PTPRG: variants seen among roughly 807,000 people sequenced by gnomAD.
The protein encoded by PTPRG is receptor-type tyrosine-protein phosphatase gamma.
Under a neutral mutation model 165.3 loss-of-function variants are expected in PTPRG, and 102 were observed. The ratio of observed to expected loss-of-function variants is 0.62; its 90% CI spans 0.53 to 0.73. PTPRG has a LOEUF of 0.73. Among genes scored for constraint, PTPRG ranks in the 30% least tolerant of loss-of-function variants. The pLI, the probability that PTPRG is intolerant of heterozygous loss-of-function variation, is 0.00. For missense variants in PTPRG, 1,866 were observed against 1,861.4 expected (o/e 1.00, Z -0.05); for synonymous variants, 675 against 669.5 (o/e 1.01, Z -0.13).
intron 19 of PTPRG, 105 bp from the exon 20 acceptor site, chr3:62,268,930 A>C: frequency 7.9e-7 from 1 of 1,270,176 alleles, no homozygotes; most frequent in Non-Finnish European, 1.1e-6. Context: ...CAGTCAACTA[A>C]ATGGCAATCT....
At chr3:62,124,929 C>T (rs1372459589) in intron 5 of PTPRG, among the ~76,000 whole-genome samples, 1 of 152,104 alleles carries the variant, frequency 6.6e-6, no homozygotes, top group Non-Finnish European at 1.5e-5. Context: ...AGCCCACCCT[C>T]AAGGGAAGGT....
At chr3:62,021,770 A>G (rs2041696404) in intron 4 of PTPRG, among the ~76,000 whole-genome samples, 1 of 152,044 alleles carries the variant, frequency 6.6e-6, no homozygotes, top group Non-Finnish European at 1.5e-5. Flanking sequence ...CTCTCACCAG[A>G]ATGCAATATA....
At chr3:62,178,915 T>C (rs2106768472) in intron 8 of PTPRG, among the ~76,000 whole-genome samples, 1 of 152,274 alleles carries the variant, frequency 6.6e-6, no homozygotes, top group African/African-American at 2.4e-5. Flanking sequence ...GCCAACAGCT[T>C]CCTTACTCCC....
At chr3:61,615,264 GTC>G (rs1701271696) in intron 1 of PTPRG, among the ~76,000 whole-genome samples, 2 of 152,196 alleles carry the variant, frequency 1.3e-5, no homozygotes, top group South Asian at 4.1e-4. Context: ...AGAATCACGT[GTC>G]TGTTGTTAGT....
intron 5 of PTPRG, among the ~76,000 whole-genome samples, chr3:62,095,596 G>T (rs553370049): frequency 6.6e-6 from 1 of 152,176 alleles, no homozygotes; most frequent in Non-Finnish European, 1.5e-5. Context: ...GAGAATACCT[G>T]TGTGGCCTTG....
At chr3:61,731,264 G>T (rs1410944778) in intron 1 of PTPRG, among the ~76,000 whole-genome samples, 1 of 152,094 alleles carries the variant, frequency 6.6e-6, no homozygotes, top group Non-Finnish European at 1.5e-5. Flanking sequence ...AAAGACAGAG[G>T]GTTTGACTAG....
intron 5 of PTPRG, among the ~76,000 whole-genome samples, chr3:62,092,455 A>G (rs929590039): frequency 4.2e-4 from 63 of 150,706 alleles, no homozygotes; most frequent in Non-Finnish European, 6.8e-4. Context: ...AAAAAAAAAA[A>G]AAAAGAAAAA....
intron 5 of PTPRG, among the ~76,000 whole-genome samples, chr3:62,129,629 T>A (rs540785173): frequency 5.3e-5 from 8 of 152,268 alleles, no homozygotes; most frequent in South Asian, 2.1e-4. Context: ...ATGATGATAA[T>A]CTATTCATGA....
At chr3:62,088,746 T>C (rs945562291) in intron 5 of PTPRG, among the ~76,000 whole-genome samples, 1 of 152,228 alleles carries the variant, frequency 6.6e-6, no homozygotes, top group Non-Finnish European at 1.5e-5. Context: ...AAAAAACTCA[T>C]AGGAAGATCA....
chr3:61,902,374 G>C (rs1296234127), intron 2 of PTPRG, among the ~76,000 whole-genome samples: 3 of 152,180 alleles, frequency 2.0e-5, no homozygotes, highest in African/African-American at 7.2e-5. Context: ...GTGCTTGCTA[G>C]ACAGGTGCAT....
At chr3:61,894,301 CAAAAAAAAAAAAAAAAAA>C (rs767479285) in intron 2 of PTPRG, among the ~76,000 whole-genome samples, 1,245 of 49,896 alleles carry the variant, frequency 0.025, 46 homozygotes, top group African/African-American at 0.079. Context: ...GACTCTGTGT[CAAAAAAAAAAAAAAAAAA>C]AAAAAAAAAA....
At position 62,228,726 on chromosome 3, in the gene PTPRG, C is replaced by T. The variant is rs1382895441; in HGVS notation, c.2289-2499C>T. 6.6e-6 allele frequency among the ~76,000 whole-genome samples: 1 copy of T among 152,108 alleles called. No homozygotes were observed. Among genetic ancestry groups the T allele is most frequent in the Non-Finnish European group, 1.5e-5 (1 of 68,018 alleles). ...TCTTTTCTGGAAGATTCTACATGTA[C>T]AAAGTACAAAGGCACTGGGTCAGTC... On this transcript the variant is annotated intron_variant, in intron 13 of 29. Coordinates refer to ENST00000474889, the MANE Select transcript of PTPRG (RefSeq NM_002841.4). This position sits in a 1 kb window ranked among gnomAD's most constrained non-coding sequence, Gnocchi z 4.1.
At chr3:61,656,609 G>C (rs905113680) in intron 1 of PTPRG, among the ~76,000 whole-genome samples, 3 of 152,104 alleles carry the variant, frequency 2.0e-5, no homozygotes, top group African/African-American at 7.2e-5. Flanking sequence ...GCGTATTCTT[G>C]GTTCGGCATT....
At position 62,203,894 on chromosome 3, in the gene PTPRG, C is replaced by G. The variant is rs771110561; in HGVS notation, c.2099C>G (p.Pro700Arg). Residue 700 changes from proline to arginine, a missense_variant, in exon 12 of 30, where the codon CCT becomes CGT. Around this residue, in one of 3 missense-constraint regions of PTPRG, gnomAD observed 1,452 missense variants for 1,463.0 expected, o/e 0.99. Coordinates refer to ENST00000474889, the MANE Select transcript of PTPRG (RefSeq NM_002841.4). This position sits in a 1 kb window ranked among gnomAD's most constrained non-coding sequence, Gnocchi z 6.4. Reference protein sequence around the residue: ...PKRPEMPSKKPMSRGDRFSED... With the variant: ...PKRPEMPSKKRMSRGDRFSED... ...AGGCCCGAAATGCCATCTAAAAAGCCTATGTCCCGCGGGGACCGATTTTCT... is the reference window on the plus strand; with the variant it reads ...AGGCCCGAAATGCCATCTAAAAAGCGTATGTCCCGCGGGGACCGATTTTCT... 1 of 1,612,164 alleles carries G rather than the reference C, an allele frequency of 6.2e-7. No individual in the cohort carries two copies. The highest frequency in any genetic ancestry group is 1.1e-5 in the South Asian group (1 of 90,852).
chr3:61,578,833 T>C (rs1183800131), intron 1 of PTPRG, among the ~76,000 whole-genome samples: 1 of 152,112 alleles, frequency 6.6e-6, no homozygotes, highest in East Asian at 1.9e-4. Flanking sequence ...GTTTTTGAGG[T>C]TCCCCCGATG....
intron 2 of PTPRG, among the ~76,000 whole-genome samples, chr3:61,847,325 T>A (rs2036834810): frequency 6.6e-6 from 1 of 152,138 alleles, no homozygotes; most frequent in Non-Finnish European, 1.5e-5. Flanking sequence ...AAGATTGCCA[T>A]CAGCCCACGG....
chr3:62,044,060 C>T (rs1700210359), intron 4 of PTPRG, among the ~76,000 whole-genome samples: 1 of 152,192 alleles, frequency 6.6e-6, no homozygotes, highest in South Asian at 2.1e-4. Context: ...GAGCCATGAA[C>T]ACTCTCTCTT....
chr3:61,783,560 C>A (rs962712607), intron 2 of PTPRG, among the ~76,000 whole-genome samples: 2 of 151,988 alleles, frequency 1.3e-5, no homozygotes, highest in Non-Finnish European at 2.9e-5. Context: ...GGGAAGATGT[C>A]TGTGTGTCTG....
intron 4 of PTPRG, among the ~76,000 whole-genome samples, chr3:62,031,097 T>G (rs1699755260): frequency 6.6e-6 from 1 of 152,172 alleles, no homozygotes; most frequent in South Asian, 2.1e-4. Flanking sequence ...AACAAAAGTA[T>G]TGAAGGAAGG....
Sources: gnomAD v4.1 joint callset for allele counts (sites outside exome capture counted in the v4.1 genomes callset) on GRCh38, gnomAD v4.1.1 for gene constraint, gnomAD v4.1.1 regional missense constraint, Gnocchi (gnomAD v3.1) non-coding constraint, MANE v1.5 for transcripts, NCBI Gene and HGNC (gene_info 2026-07-23, HGNC 2026-07-21) for gene names.